LINGO2: variants seen among roughly 807,000 people sequenced by gnomAD.
The protein encoded by LINGO2 is leucine-rich repeat and immunoglobulin-like domain-containing nogo receptor-interacting protein 2.
Under a neutral mutation model 30.6 loss-of-function variants are expected in LINGO2, and 14 were observed. That is an observed-to-expected ratio of 0.46 (90% confidence interval 0.30 to 0.72). The LOEUF (loss-of-function observed/expected upper bound fraction) is 0.72, where lower values mean the gene tolerates loss of function less well. Ranked by LOEUF, LINGO2 falls within the 30% of genes least tolerant of loss-of-function variation. LINGO2 has a pLI of 0.07. For synonymous variants in LINGO2, 317 were observed against 288.5 expected (o/e 1.10, Z -1.00); for missense variants, 729 against 751.7 (o/e 0.97, Z 0.35).
At chr9:28,559,200 A>G (rs1393878332) in intron 1 of LINGO2, among the ~76,000 whole-genome samples, 3 of 152,126 alleles carry the variant, frequency 2.0e-5, no homozygotes, top group Admixed American at 2.0e-4. Context: ...GATCTTGCAG[A>G]TTACTAATAC....
chr9:28,994,246 C>T, the LINGO2 span, among the ~76,000 whole-genome samples: 3 of 152,290 alleles, frequency 2.0e-5, no homozygotes, highest in African/African-American at 7.2e-5. Flanking sequence ...AGAGCCAAAT[C>T]ATGAGTGAAC....
intron 5 of LINGO2, among the ~76,000 whole-genome samples, chr9:27,964,457 T>G (rs139159546): frequency 1.6e-4 from 25 of 152,212 alleles, no homozygotes; most frequent in African/African-American, 5.8e-4. Flanking sequence ...GTTTGAAGCC[T>G]ATAAAGACAA....
At chr9:29,035,499 A>C in the LINGO2 span, among the ~76,000 whole-genome samples, 36 of 151,568 alleles carry the variant, frequency 2.4e-4, no homozygotes, top group African/African-American at 6.5e-4. Context: ...ATCTAAGCTG[A>C]CATCTTTGCA....
At chr9:28,626,890 G>C (rs766917261) in intron 1 of LINGO2, among the ~76,000 whole-genome samples, 126 of 151,216 alleles carry the variant, frequency 8.3e-4, no homozygotes, top group Admixed American at 1.1e-3. Flanking sequence ...AAAAAATATT[G>C]AGCATGTTTA....
the LINGO2 span, among the ~76,000 whole-genome samples, chr9:29,002,925 G>A: frequency 5.7e-4 from 87 of 152,014 alleles, no homozygotes; most frequent in South Asian, 1.5e-3. Flanking sequence ...GGAAACTGTG[G>A]GTCTTTGAAG....
At chr9:29,025,099 A>T in the LINGO2 span, among the ~76,000 whole-genome samples, 340 of 152,178 alleles carry the variant, frequency 2.2e-3, 4 homozygotes, top group Middle Eastern at 0.027. Context: ...CCTTTCACAG[A>T]TTGCAATCTG....
At chr9:28,943,202 G>C in the LINGO2 span, among the ~76,000 whole-genome samples, 1 of 152,134 alleles carries the variant, frequency 6.6e-6, no homozygotes, top group Non-Finnish European at 1.5e-5. Flanking sequence ...TTTTAGTAGG[G>C]AGCATTCTTT....
the LINGO2 span, among the ~76,000 whole-genome samples, chr9:28,842,856 A>C: frequency 5.0e-3 from 762 of 152,036 alleles, 28 homozygotes; most frequent in African/African-American, 0.017. Flanking sequence ...TTATGTTTAT[A>C]AAGTTACTCT....
intron 4 of LINGO2, among the ~76,000 whole-genome samples, chr9:28,092,541 T>G (rs1396586814): frequency 1.1e-5 from 1 of 92,724 alleles, no homozygotes; most frequent in Non-Finnish European, 2.0e-5. Context: ...CACCAGGGCC[T>G]GTTGTGCGGT....
At chr9:28,733,612 C>T in the LINGO2 span, among the ~76,000 whole-genome samples, 3 of 152,092 alleles carry the variant, frequency 2.0e-5, no homozygotes, top group Non-Finnish European at 4.4e-5. Context: ...TTCCTCTTTC[C>T]TTCCTTTAAA....
chr9:28,611,701 TTACA>T (rs1825921305), intron 1 of LINGO2, among the ~76,000 whole-genome samples: 1 of 152,158 alleles, frequency 6.6e-6, no homozygotes, highest in Non-Finnish European at 1.5e-5. Context: ...ATTCATGTTG[TTACA>T]TACAACAGGA....
chr9:28,788,100 A>G, the LINGO2 span, among the ~76,000 whole-genome samples: 1 of 152,236 alleles, frequency 6.6e-6, no homozygotes, highest in African/African-American at 2.4e-5. Context: ...AAATTAAGAT[A>G]AAGTGAAAAG....
chr9:28,536,392 C>G (rs866897162), intron 1 of LINGO2, among the ~76,000 whole-genome samples: 8 of 152,210 alleles, frequency 5.3e-5, no homozygotes, highest in Middle Eastern at 3.4e-3. Context: ...TAACTTCATT[C>G]AAGCATTTTT....
intron 4 of LINGO2, among the ~76,000 whole-genome samples, chr9:28,098,292 C>T (rs940661323): frequency 1.1e-4 from 17 of 150,986 alleles, no homozygotes; most frequent in African/African-American, 2.2e-4. Flanking sequence ...GTGACAGAGC[C>T]GAACTCTGTC....
At chr9:28,618,684 T>C (rs925741385) in intron 1 of LINGO2, among the ~76,000 whole-genome samples, 2 of 152,196 alleles carry the variant, frequency 1.3e-5, no homozygotes, top group African/African-American at 4.8e-5. Context: ...GTTCTATCTG[T>C]AATGTTCATC....
At chr9:29,177,865 T>C in the LINGO2 span, among the ~76,000 whole-genome samples, 41 of 152,192 alleles carry the variant, frequency 2.7e-4, no homozygotes, top group East Asian at 9.7e-4. Context: ...TACATTAAAA[T>C]TGACCCCTTC....
At chr9:28,854,340 C>T in the LINGO2 span, among the ~76,000 whole-genome samples, 1 of 151,962 alleles carries the variant, frequency 6.6e-6, no homozygotes, top group Non-Finnish European at 1.5e-5. Context: ...ATGATACCCT[C>T]TTCTTGAATG....
intron 2 of LINGO2, among the ~76,000 whole-genome samples, chr9:28,423,153 A>G (rs1056376164): frequency 6.6e-6 from 1 of 152,128 alleles, no homozygotes; most frequent in Non-Finnish European, 1.5e-5. Flanking sequence ...TAAACTATAT[A>G]CTTAAAAATG....
intron 4 of LINGO2, among the ~76,000 whole-genome samples, chr9:28,177,733 G>A (rs904327926): frequency 6.6e-6 from 1 of 152,102 alleles, no homozygotes; most frequent in African/African-American, 2.4e-5. Context: ...GAACTCCAGA[G>A]ACCAGGCATC....
Sources: allele counts gnomAD v4.1 joint callset (sites outside exome capture counted in the v4.1 genomes callset), GRCh38; gene constraint gnomAD v4.1.1; transcripts MANE v1.5; gene names NCBI Gene and HGNC (gene_info 2026-07-23, HGNC 2026-07-21).